Variants in ZNF727 observed in about 807,000 individuals in gnomAD.
ZNF727 encodes the protein zinc finger protein 727.
Under a neutral mutation model 11.5 loss-of-function variants are expected in ZNF727, and 11 were observed. That is an observed-to-expected ratio of 0.95 (90% CI 0.60 to 1.58). The LOEUF is 1.58. ZNF727 is among the 40% of genes most tolerant of loss of function. ZNF727 has a pLI of 0.00. For missense variants in ZNF727, 533 were observed against 581.7 expected (o/e 0.92, Z 0.86); for synonymous variants, 171 against 196.1 (o/e 0.87, Z 1.07).
intron 1 of ZNF727, among the ~76,000 whole-genome samples, chr7:64,060,943 G>A (rs538628783): frequency 2.2e-3 from 341 of 151,818 alleles, no homozygotes; most frequent in South Asian, 3.8e-3. Context: ...AGTCATTCAG[G>A]AGCATATTTT....
intron 1 of ZNF727, among the ~76,000 whole-genome samples, chr7:64,049,525 T>A (rs1789558633): frequency 6.6e-6 from 1 of 151,990 alleles, no homozygotes; most frequent in Non-Finnish European, 1.5e-5. Context: ...TAATTTTTAG[T>A]AATCTGAATA....
At chr7:64,050,391 G>A (rs865840910) in intron 1 of ZNF727, among the ~76,000 whole-genome samples, 2 of 152,144 alleles carry the variant, frequency 1.3e-5, no homozygotes, top group South Asian at 2.1e-4. Context: ...CACAACTTCC[G>A]GGGCTTCATG....
chr7:64,046,414 G>A (rs1397468268), intron 1 of ZNF727, among the ~76,000 whole-genome samples: 1 of 152,202 alleles, frequency 6.6e-6, no homozygotes, highest in Non-Finnish European at 1.5e-5. Flanking sequence ...CATGTTGGAG[G>A]TGGGGCCTGG....
chr7:64,068,864 A>G, intron 1 of ZNF727, 27 bp from the exon 2 acceptor site: 1 of 1,563,278 alleles, frequency 6.4e-7, no homozygotes, highest in Non-Finnish European at 8.7e-7. Context: ...TTCTTTGGTC[A>G]CTTGGTAAAT....
At position 64,082,003 on chromosome 7, in the gene ZNF727, C is replaced by T. The variant is rs1785801035; in HGVS notation, c.*3454C>T. Among the ~76,000 whole-genome samples the T allele has an allele frequency of 6.6e-6, 1 of 152,048 alleles. No individual in the cohort carries two copies. Among genetic ancestry groups the T allele is most frequent in the South Asian group, 2.1e-4 (1 of 4,822 alleles). On this transcript the variant is annotated 3_prime_UTR_variant, in exon 4 of 4. Transcript: ENST00000456806. Reference sequence around the variant, plus strand: ...TGTGCTTTTGGCCAAATTAGGGGTTCACTGGTAATGAGCAGTGGGTAGTTT... The same window carrying T: ...TGTGCTTTTGGCCAAATTAGGGGTTTACTGGTAATGAGCAGTGGGTAGTTT...
At chr7:64,056,101 G>A (rs1204789868) in intron 1 of ZNF727, among the ~76,000 whole-genome samples, 1 of 151,584 alleles carries the variant, frequency 6.6e-6, no homozygotes. Context: ...TGTGTGAAGT[G>A]GTATTTCAAT....
rs191205329 is a variant in ZNF727 at position 64,076,978 on chromosome 7, A to G, written c.227-298A>G. The stretch of plus-strand genomic sequence containing the variant: ...GAATTGGGAGTCTATATTTAAAGTC[A>G]TCATGGGATGAAGAATGGCTGTGGT... On this transcript the variant is annotated intron_variant, in intron 3 of 3. Coordinates refer to ENST00000456806, the MANE Select transcript of ZNF727 (RefSeq NM_001159522.3). 5.3e-3 allele frequency among the ~76,000 whole-genome samples: 809 copies of G among 152,298 alleles called. 9 individuals carry two copies. Among genetic ancestry groups the G allele is most frequent in the African/African-American group, 0.018 (755 of 41,578 alleles).
At chr7:64,057,359 T>C (rs1421919042) in intron 1 of ZNF727, among the ~76,000 whole-genome samples, 3 of 152,218 alleles carry the variant, frequency 2.0e-5, no homozygotes, top group African/African-American at 4.8e-5. Context: ...ATATGTACCA[T>C]GGAATACCAT....
rs573650353 is a variant in ZNF727 at position 64,084,259 on chromosome 7, A to T, written c.*5710A>T. ...TAAGAGAAACAATTTGAATTTTAGAAGGAAATTGCTTTACCATTTGCAAAC... is the reference window on the plus strand; with the variant it reads ...TAAGAGAAACAATTTGAATTTTAGATGGAAATTGCTTTACCATTTGCAAAC... On this transcript the variant is annotated 3_prime_UTR_variant, in exon 4 of 4. Coordinates refer to ENST00000456806, the MANE Select transcript of ZNF727 (RefSeq NM_001159522.3). Among the ~76,000 whole-genome samples the T allele has an allele frequency of 4.6e-5, 7 of 152,328 alleles. No homozygotes were observed. Among genetic ancestry groups the T allele is most frequent in the African/African-American group, 1.7e-4 (7 of 41,582 alleles).
At position 64,078,667 on chromosome 7, in the gene ZNF727, A is replaced by G. The variant is rs1785733992; in HGVS notation, c.*118A>G. On this transcript the variant is annotated 3_prime_UTR_variant, in exon 4 of 4. Coordinates refer to ENST00000456806, the MANE Select transcript of ZNF727 (RefSeq NM_001159522.3). The stretch of plus-strand genomic sequence containing the variant: ...GGAGAGAAACCCTACATTTGTGAAG[A>G]ATGTGGCAAAGCCTTTATCCGCTCC... 1.5e-6 allele frequency: 2 copies of G among 1,333,102 alleles called. No homozygotes were observed. Among genetic ancestry groups the G allele is most frequent in the African/African-American group, 2.9e-5 (2 of 68,982 alleles). 82.6% of individuals were successfully genotyped at this position (1,333,102 alleles called of 1,614,324 possible). A position where few individuals can be genotyped will look rare whatever the true frequency, so the allele number is the denominator to read the frequency against.
intron 1 of ZNF727, among the ~76,000 whole-genome samples, chr7:64,062,340 T>C (rs2116296034): frequency 6.6e-6 from 1 of 152,208 alleles, no homozygotes; most frequent in African/African-American, 2.4e-5. Flanking sequence ...ATTGAAGAAC[T>C]GCCTTTAGCA....
intron 1 of ZNF727, among the ~76,000 whole-genome samples, chr7:64,046,979 T>TTG (rs1789518473): frequency 8.4e-6 from 1 of 119,416 alleles, no homozygotes; most frequent in Non-Finnish European, 1.7e-5. Flanking sequence ...AAGTTTTGTG[T>TTG]TTTTTTTTTT....
chr7:64,045,740 C>G (rs1789491517), intron 1 of ZNF727, 116 bp downstream of exon 1: 2 of 1,365,376 alleles, frequency 1.5e-6, no homozygotes, highest in Admixed American at 2.0e-5. Context: ...TCCGAGTCCC[C>G]GTGGGCACAG....
At chr7:64,060,358 C>T (rs1789750453) in intron 1 of ZNF727, among the ~76,000 whole-genome samples, 1 of 152,194 alleles carries the variant, frequency 6.6e-6, no homozygotes, top group African/African-American at 2.4e-5. Context: ...GATATAAACA[C>T]AGAGATACGC....
chr7:64,045,719 T>A, intron 1 of ZNF727, 95 bp downstream of exon 1: 1 of 1,503,168 alleles, frequency 6.7e-7, no homozygotes, highest in Non-Finnish European at 9.0e-7. Context: ...CGCGGTCAGC[T>A]CTGCAGCAGC....
intron 1 of ZNF727, among the ~76,000 whole-genome samples, chr7:64,062,685 A>AATATATACATATATATAT (rs1789790237): frequency 1.1e-5 from 1 of 89,980 alleles, no homozygotes. Context: ...CTTGTACTTG[A>AATATATACATATATATAT]ATATATATAT....
chr7:64,062,355 T>G (rs1227752644), intron 1 of ZNF727, among the ~76,000 whole-genome samples: 1 of 152,068 alleles, frequency 6.6e-6, no homozygotes, highest in East Asian at 1.9e-4. Flanking sequence ...TTAGCATTTT[T>G]GTAGGACAGG....
intron 1 of ZNF727, among the ~76,000 whole-genome samples, chr7:64,065,485 G>A (rs1837338): frequency 0.62 from 94,527 of 152,068 alleles, 30,075 homozygotes; most frequent in Non-Finnish European, 0.68. Flanking sequence ...CTGCCTGTGA[G>A]TGTGGTGATT....
chr7:64,064,587 T>C (rs1789834066), intron 1 of ZNF727, among the ~76,000 whole-genome samples: 2 of 152,296 alleles, frequency 1.3e-5, no homozygotes, highest in South Asian at 4.1e-4. Context: ...AGGCACTTTC[T>C]TGGCCATCCC....
Sources: gnomAD v4.1 joint callset for allele counts (sites outside exome capture counted in the v4.1 genomes callset) on GRCh38, gnomAD v4.1.1 for gene constraint, MANE v1.5 for transcripts, NCBI Gene and HGNC (gene_info 2026-07-23, HGNC 2026-07-21) for gene names.